PREX2: variants seen among roughly 807,000 people sequenced by gnomAD.
PREX2 encodes phosphatidylinositol 3,4,5-trisphosphate-dependent Rac exchanger 2 protein.
A neutral mutation model predicts 203.2 loss-of-function variants in PREX2; 107 were observed. That is an observed-to-expected ratio of 0.53 (90% CI 0.45 to 0.62). The LOEUF (loss-of-function observed/expected upper bound fraction) is 0.62. Among genes scored for constraint, PREX2 ranks in the 20% least tolerant of loss-of-function variants. The pLI, the probability that PREX2 is intolerant of heterozygous loss-of-function variation, is 0.00. For synonymous variants in PREX2, 672 were observed against 663.6 expected (o/e 1.01, Z -0.19); for missense variants, 1,777 against 1,955.9 (o/e 0.91, Z 1.72).
At chr8:68,083,502 A>G (rs1221676941) in intron 18 of PREX2, 114 bp downstream of exon 18, 3 of 731,880 alleles carry the variant, frequency 4.1e-6, no homozygotes, top group Non-Finnish European at 4.4e-6. Flanking sequence ...GGAACGCTTG[A>G]ACCTCACCGG....
chr8:68,060,553 A>G, intron 10 of PREX2, 126 bp from the exon 11 acceptor site: 1 of 644,294 alleles, frequency 1.6e-6, no homozygotes. Context: ...ATCTGTTGAA[A>G]TGTGTTGCAA....
chr8:68,188,672 G>C (rs1812237383), intron 35 of PREX2, among the ~76,000 whole-genome samples: 1 of 152,294 alleles, frequency 6.6e-6, no homozygotes, highest in Non-Finnish European at 1.5e-5. Flanking sequence ...GCAGGCAAGA[G>C]AGCTTGTGCA....
chr8:68,214,426 T>C (rs578004979), intron 37 of PREX2, among the ~76,000 whole-genome samples: 1 of 152,268 alleles, frequency 6.6e-6, no homozygotes, highest in South Asian at 2.1e-4. Context: ...TCCTATTGAA[T>C]GAGGGTTCCT....
At chr8:68,179,150 G>A (rs1812037550) in intron 35 of PREX2, among the ~76,000 whole-genome samples, 1 of 152,086 alleles carries the variant, frequency 6.6e-6, no homozygotes, top group Admixed American at 6.6e-5. Context: ...TAAGACAAAG[G>A]CTTTTGAATG....
intron 4 of PREX2, among the ~76,000 whole-genome samples, chr8:68,024,593 G>C (rs573342586): frequency 3.3e-5 from 5 of 151,596 alleles, no homozygotes; most frequent in African/African-American, 1.2e-4. Context: ...TCTACTTTTT[G>C]TCCAGTCTGA....
intron 35 of PREX2, among the ~76,000 whole-genome samples, chr8:68,190,761 A>G (rs780605216): frequency 4.6e-5 from 7 of 152,050 alleles, no homozygotes; most frequent in Non-Finnish European, 8.8e-5. Flanking sequence ...AATTAAAAGA[A>G]TGGTTAAAAT....
At chr8:68,118,931 G>A (rs1173504724) in intron 27 of PREX2, 1 of 569,450 alleles carries the variant, frequency 1.8e-6, no homozygotes, top group East Asian at 4.2e-5. Context: ...AGGTACACAG[G>A]AAATATACTG....
At position 68,053,116 on chromosome 8, in the gene PREX2, A is replaced by G; in HGVS notation, c.963A>G (p.Gly321=). ...TTACAGCTGATTTCCATAGCAGTGG[A>G]CACATTGTTGTTAATGGATGGAAGA... is the stretch of plus-strand genomic sequence containing the variant. The part of the protein sequence containing the change: ...DDGTADFHSS[G]HIVVNGWKIH... The change falls in exon 9 of 40, where the codon GGA becomes GGG. Residue 321 remains glycine, a synonymous_variant. Transcript: ENST00000288368. 3 of 1,613,440 alleles carry G rather than the reference A, an allele frequency of 1.9e-6. No homozygotes were observed. The highest frequency in any genetic ancestry group is 2.5e-6 in the Non-Finnish European group (3 of 1,179,550).
intron 31 of PREX2, among the ~76,000 whole-genome samples, chr8:68,130,014 A>T (rs1177678319): frequency 6.7e-6 from 1 of 149,058 alleles, no homozygotes; most frequent in Non-Finnish European, 1.5e-5. Flanking sequence ...GCCCTGGTCC[A>T]TGTTTATAAT....
intron 34 of PREX2, among the ~76,000 whole-genome samples, chr8:68,152,182 G>T (rs1811447212): frequency 6.6e-6 from 1 of 151,090 alleles, no homozygotes; most frequent in African/African-American, 2.4e-5. Context: ...CCAGCTACTG[G>T]GGAGGCTGAG....
intron 22 of PREX2, 62 bp downstream of exon 22, chr8:68,097,263 T>G: frequency 3.4e-5 from 45 of 1,340,770 alleles, no homozygotes; most frequent in Non-Finnish European, 4.6e-5. Flanking sequence ...AAATCCTCCC[T>G]CTCCTTCACT....
rs1036193010 is a variant in PREX2, at chr8:68,171,619, C to T, written c.4346+14183C>T. Among the ~76,000 whole-genome samples the T allele has an allele frequency of 8.1e-4, 123 of 152,144 alleles. 3 individuals carry two copies. On this transcript the variant is annotated intron_variant, in intron 35 of 39. Transcript: ENST00000288368. The stretch of plus-strand genomic sequence containing the variant: ...GAAGGGACAGTGGGACTTCAGCTTC[C>T]ATGCCCTGTCTCTGAGTGTCGGCAC...
chr8:68,059,245 T>C (rs1016971261), intron 10 of PREX2, among the ~76,000 whole-genome samples: 2 of 152,180 alleles, frequency 1.3e-5, no homozygotes, highest in African/African-American at 2.4e-5. Context: ...TATTTTTTAT[T>C]TGTAAAATGT....
At chr8:68,207,997 T>TTGTGAAGATCTTGTATTTCA (rs1295491457) in intron 37 of PREX2, among the ~76,000 whole-genome samples, 1 of 152,126 alleles carries the variant, frequency 6.6e-6, no homozygotes, top group African/African-American at 2.4e-5. Context: ...AGGGACCATA[T>TTGTGAAGATCTTGTATTTCA]TGTGAAGATC....
chr8:68,021,884 A>G, intron 3 of PREX2, 152 bp from the exon 4 acceptor site: 1 of 514,718 alleles, frequency 1.9e-6, no homozygotes, highest in Non-Finnish European at 3.5e-6. Flanking sequence ...TGGGCCAGGG[A>G]AAATAAACAA....
At chr8:67,953,087 G>T (rs1193667149) in intron 1 of PREX2, among the ~76,000 whole-genome samples, 1 of 152,098 alleles carries the variant, frequency 6.6e-6, no homozygotes, top group Non-Finnish European at 1.5e-5. Context: ...GGGGTACAGA[G>T]AGAGCAGCGG....
At chr8:68,211,988 T>C (rs1402667075) in intron 37 of PREX2, among the ~76,000 whole-genome samples, 3 of 152,230 alleles carry the variant, frequency 2.0e-5, no homozygotes, top group East Asian at 3.8e-4. Context: ...TGTTCTTTGA[T>C]ATCATGTAAT....
At chr8:68,129,605 A>G (rs1228207999) in intron 31 of PREX2, among the ~76,000 whole-genome samples, 1 of 152,026 alleles carries the variant, frequency 6.6e-6, no homozygotes, top group African/African-American at 2.4e-5. Context: ...CTGTGCTAGA[A>G]TAATTTCTGA....
chr8:67,955,607 G>C (rs28431199), intron 1 of PREX2, among the ~76,000 whole-genome samples: 1 of 152,120 alleles, frequency 6.6e-6, no homozygotes, highest in Non-Finnish European at 1.5e-5. Flanking sequence ...GTTGATGTGT[G>C]CATTTGTTTA....
Sources: allele counts gnomAD v4.1 joint callset (sites outside exome capture counted in the v4.1 genomes callset), GRCh38; gene constraint gnomAD v4.1.1; transcripts MANE v1.5; gene names NCBI Gene and HGNC (gene_info 2026-07-23, HGNC 2026-07-21).